SPATA17: variants seen among roughly 807,000 people sequenced by gnomAD.
The protein encoded by SPATA17 is spermatogenesis associated 17, also known as spermatogenesis-associated protein 17.
A neutral mutation model predicts 62.2 loss-of-function variants in SPATA17; 53 were observed. The observed-to-expected ratio is 0.85, with a 90% confidence interval of 0.68 to 1.07. The LOEUF is 1.07. Ranked by LOEUF, SPATA17 falls within the 50% of genes least tolerant of loss-of-function variation. SPATA17 has a pLI of 0.00. For synonymous variants in SPATA17, 146 were observed against 146.8 expected (o/e 0.99, Z 0.04); for missense variants, 466 against 425.5 (o/e 1.10, Z -0.84).
At chr1:217,776,443 C>G (rs1238858447) in intron 7 of SPATA17, among the ~76,000 whole-genome samples, 3 of 152,088 alleles carry the variant, frequency 2.0e-5, no homozygotes, top group African/African-American at 4.8e-5. Flanking sequence ...ATGGGTTAAA[C>G]CAACATACAT....
intron 6 of SPATA17, among the ~76,000 whole-genome samples, chr1:217,759,702 C>T (rs1673126402): frequency 6.6e-6 from 1 of 151,970 alleles, no homozygotes; most frequent in Non-Finnish European, 1.5e-5. Context: ...CTCCACAGGG[C>T]ATGGTTGAAA....
chr1:217,655,248 A>C (rs1000561501), intron 3 of SPATA17, among the ~76,000 whole-genome samples: 1 of 152,090 alleles, frequency 6.6e-6, no homozygotes, highest in Non-Finnish European at 1.5e-5. Context: ...TAACCCTAAT[A>C]TTTTTGGAGA....
At chr1:217,778,305 G>A (rs975552765) in intron 7 of SPATA17, among the ~76,000 whole-genome samples, 2 of 152,170 alleles carry the variant, frequency 1.3e-5, no homozygotes, top group African/African-American at 4.8e-5. Context: ...GATCACCTAC[G>A]AGGTCAGGAG....
At chr1:217,701,800 T>C (rs1671607151) in intron 5 of SPATA17, among the ~76,000 whole-genome samples, 1 of 152,158 alleles carries the variant, frequency 6.6e-6, no homozygotes, top group Non-Finnish European at 1.5e-5. Context: ...CTCTTTCGTT[T>C]CCGTTTCATC....
chr1:217,666,739 A>G (rs911614066), intron 3 of SPATA17, among the ~76,000 whole-genome samples: 5 of 152,146 alleles, frequency 3.3e-5, no homozygotes, highest in African/African-American at 9.7e-5. Flanking sequence ...TCCAGTCACT[A>G]GTAACCACTT....
At chr1:217,733,369 A>G (rs573869810) in intron 5 of SPATA17, among the ~76,000 whole-genome samples, 1 of 152,262 alleles carries the variant, frequency 6.6e-6, no homozygotes, top group Admixed American at 6.5e-5. Context: ...TCTTATTTCA[A>G]CACTGCTCCT....
At chr1:217,759,257 G>A (rs931177315) in intron 6 of SPATA17, among the ~76,000 whole-genome samples, 1 of 152,118 alleles carries the variant, frequency 6.6e-6, no homozygotes, top group South Asian at 2.1e-4. Flanking sequence ...TCAGGAGTTC[G>A]AGACCAGCCT....
chr1:217,838,262 G>A (rs1437458635), intron 9 of SPATA17, among the ~76,000 whole-genome samples: 1 of 151,992 alleles, frequency 6.6e-6, no homozygotes, highest in Non-Finnish European at 1.5e-5. Flanking sequence ...GAAGGGACTT[G>A]ATTTTAGCAG....
At chr1:217,853,507 T>G (rs559667409) in intron 9 of SPATA17, among the ~76,000 whole-genome samples, 1 of 152,286 alleles carries the variant, frequency 6.6e-6, no homozygotes, top group South Asian at 2.1e-4. Flanking sequence ...TCTGTGATAT[T>G]CTGGTAGAAT....
intron 6 of SPATA17, among the ~76,000 whole-genome samples, chr1:217,773,585 C>T (rs1470820066): frequency 1.3e-5 from 2 of 152,098 alleles, no homozygotes; most frequent in Non-Finnish European, 2.9e-5. Flanking sequence ...ACATTTGTCA[C>T]ACATACATCT....
rs1013578917 is a variant in SPATA17, at chr1:217,862,850, T to C, written c.1082T>C (p.Val361Ala). The change falls in exon 10 of 11, where the codon GTA becomes GCA. Residue 361 changes from valine to alanine, a missense_variant. Coordinates refer to ENST00000366933, the MANE Select transcript of SPATA17 (RefSeq NM_138796.4). ...GKLYSKAGQIV is the reference protein window; with the variant it reads ...GKLYSKAGQIA ...TTATATTCAAAAGCTGGACAGATTGTATAAAGGTATGACTTTTTGCTAAGA... is the reference window on the plus strand; with the variant it reads ...TTATATTCAAAAGCTGGACAGATTGCATAAAGGTATGACTTTTTGCTAAGA... 4.4e-6 allele frequency: 7 copies of C among 1,594,300 alleles called. No individual in the cohort carries two copies. Among genetic ancestry groups the C allele is most frequent in the Middle Eastern group, 1.7e-4 (1 of 5,936 alleles).
At chr1:217,800,207 G>A (rs1023115896) in intron 8 of SPATA17, among the ~76,000 whole-genome samples, 1 of 152,120 alleles carries the variant, frequency 6.6e-6, no homozygotes, top group Non-Finnish European at 1.5e-5. Flanking sequence ...GAAACTCTAT[G>A]GGTGTAAAAG....
At chr1:217,700,762 C>CTTTTTTTTTTTTTTTTTTTT (rs71556698) in intron 5 of SPATA17, among the ~76,000 whole-genome samples, 2 of 134,822 alleles carry the variant, frequency 1.5e-5, no homozygotes, top group African/African-American at 5.5e-5. Flanking sequence ...TTTTCTTTTT[C>CTTTTTTTTTTTTTTTTTTTT]TTTTTTTTTT....
chr1:217,641,054 G>T (rs1670050893), intron 1 of SPATA17, among the ~76,000 whole-genome samples: 1 of 152,056 alleles, frequency 6.6e-6, no homozygotes, highest in Non-Finnish European at 1.5e-5. Context: ...AATGGAGAAA[G>T]TTTGTCCTAG....
At chr1:217,691,014 A>G (rs1671341870) in intron 5 of SPATA17, among the ~76,000 whole-genome samples, 1 of 146,114 alleles carries the variant, frequency 6.8e-6, no homozygotes, top group Non-Finnish European at 1.5e-5. Flanking sequence ...CAGTAATGGG[A>G]TGGCTGGGTC....
intron 5 of SPATA17, among the ~76,000 whole-genome samples, chr1:217,699,497 A>G (rs551291109): frequency 2.6e-5 from 4 of 152,282 alleles, no homozygotes; most frequent in South Asian, 4.1e-4. Context: ...TGCCATTTGC[A>G]TATACTTTTT....
intron 1 of SPATA17, among the ~76,000 whole-genome samples, chr1:217,641,417 A>T (rs112565423): frequency 2.0e-5 from 3 of 152,122 alleles, no homozygotes; most frequent in Non-Finnish European, 4.4e-5. Context: ...GGGAAAAAAA[A>T]TCAATCAACA....
Position 217,862,782 on chromosome 1 carries a change from G to A in SPATA17, c.1014G>A (p.Gln338=), listed in dbSNP as rs763048449. The A allele has an allele frequency of 1.2e-6, 2 of 1,606,758 alleles. No individual in the cohort carries two copies. The highest frequency in any genetic ancestry group is 1.7e-6 in the Non-Finnish European group (2 of 1,176,310). Residue 338 remains glutamine (Q), a synonymous_variant, in exon 10 of 11, where the codon CAG becomes CAA. Coordinates refer to ENST00000366933, the MANE Select transcript of SPATA17 (RefSeq NM_138796.4). ...PKKWICDKDF[Q]TVLPSFELFS... ...GAACTTTTTCCTCCTAGGATTTCCA[G>A]ACTGTATTACCATCATTTGAGCTCT...
intron 9 of SPATA17, among the ~76,000 whole-genome samples, chr1:217,809,413 AAGCTTATTT>A (rs1674525624): frequency 6.6e-6 from 1 of 152,190 alleles, no homozygotes; most frequent in Non-Finnish European, 1.5e-5. Flanking sequence ...TAAAGACAAG[AAGCTTATTT>A]AGCTCACGGT....
Sources: allele counts gnomAD v4.1 joint callset (sites outside exome capture counted in the v4.1 genomes callset), GRCh38; gene constraint gnomAD v4.1.1; transcripts MANE v1.5; gene names NCBI Gene and HGNC (gene_info 2026-07-23, HGNC 2026-07-21).